Variants in IQSEC3 observed in about 807,000 individuals in gnomAD.
IQSEC3 encodes the protein IQ motif and SEC7 domain-containing protein 3.
In IQSEC3, 50 loss-of-function variants were observed where a neutral mutation model predicts 105.4. The ratio of observed to expected loss-of-function variants is 0.47; its 90% CI spans 0.38 to 0.60. The LOEUF is 0.60. Ranked by LOEUF, IQSEC3 falls within the 20% of genes least tolerant of loss-of-function variation. The pLI, the probability that IQSEC3 is intolerant of heterozygous loss-of-function variation, is 0.00. For missense variants in IQSEC3, 1,415 were observed against 1,630.0 expected (o/e 0.87, Z 2.27); for synonymous variants, 708 against 746.0 (o/e 0.95, Z 0.83).
intron 2 of IQSEC3, among the ~76,000 whole-genome samples, chr12:119,182 G>T (rs538731053): frequency 2.0e-5 from 3 of 152,094 alleles, no homozygotes; most frequent in African/African-American, 4.8e-5. Context: ...GCTCTCTTCC[G>T]TTTGCGTGAG....
rs146062633 is a variant in IQSEC3 at position 99,822 on chromosome 12, T to C, written c.623+608T>C. ...CTGCCCTCTGCCTCCCTGTCCCGCT[T>C]CCTGGAGTTCCGTCTCCGTCCCGTG... On this transcript the variant is annotated intron_variant, in intron 2 of 13. Transcript: ENST00000538872. Among the ~76,000 whole-genome samples the C allele has an allele frequency of 2.3e-3, 354 of 152,268 alleles. 2 individuals carry two copies. The highest frequency in any genetic ancestry group is 8.2e-3 in the African/African-American group (341 of 41,566).
rs1939282004 is a variant in IQSEC3, at chr12:177,781, G to A, written c.*2748G>A. Reference sequence around the variant, plus strand: ...CAGAGCCTAGACCTCAGGGACCTAGGAAAAGCCTCCTGCTCCCTCCCCACG... The same window carrying A: ...CAGAGCCTAGACCTCAGGGACCTAGAAAAAGCCTCCTGCTCCCTCCCCACG... On this transcript the variant is annotated 3_prime_UTR_variant, in exon 14 of 14. Transcript: ENST00000538872. This position sits in a 1 kb window ranked among gnomAD's most constrained non-coding sequence, Gnocchi z 5.3. The A allele has an allele frequency of 6.6e-6, 1 of 152,270 alleles. No homozygotes were observed. The highest frequency in any genetic ancestry group is 1.5e-5 in the Non-Finnish European group (1 of 68,142). The allele number at this position is 152,270 out of a possible 1,614,324, so 9.4% of individuals were successfully genotyped here.
chr12:103,676 AGGGCTCAGGGGTAGGTGG>A (rs1864520807), intron 2 of IQSEC3, among the ~76,000 whole-genome samples: 1 of 10,514 alleles, frequency 9.5e-5, no homozygotes. Flanking sequence ...GTGGGGAGGC[AGGGCTCAGGGGTAGGTGG>A]GGGCTCAGGA....
At position 128,073 on chromosome 12, in the gene IQSEC3, G is replaced by A. The variant is rs531788380; in HGVS notation, c.903+2161G>A. ...CTTGGCCTCAATCTCTGAAGTTTCC[G>A]CTCCCCTCCACACCCCTGCACTTGG... On this transcript the variant is annotated intron_variant, in intron 3 of 13. Transcript: ENST00000538872. Among the ~76,000 whole-genome samples the A allele has an allele frequency of 4.1e-4, 62 of 152,158 alleles. No homozygotes were observed. The South Asian group carries it at 6.0e-3, about 15-fold the overall frequency.
chr12:114,067 G>A (rs982997819), intron 2 of IQSEC3, among the ~76,000 whole-genome samples: 3 of 152,176 alleles, frequency 2.0e-5, no homozygotes, highest in Non-Finnish European at 2.9e-5. Flanking sequence ...AAGGAGCATA[G>A]CACTTAACTT....
At chr12:113,351 A>G (rs1315467622) in intron 2 of IQSEC3, among the ~76,000 whole-genome samples, 3 of 152,242 alleles carry the variant, frequency 2.0e-5, no homozygotes, top group Admixed American at 1.3e-4. Context: ...AGCTGAGGAA[A>G]TACTCGGAGA....
chr12:138,543 A>AC lies in IQSEC3; in HGVS notation c.1183dup (p.Leu395ProfsTer72). On this transcript the variant is annotated frameshift_variant, in exon 4 of 14. Coordinates refer to ENST00000538872, the MANE Select transcript of IQSEC3 (RefSeq NM_001170738.2). LOFTEE classifies it high-confidence loss of function. This position sits in a 1 kb window ranked among gnomAD's most constrained non-coding sequence, Gnocchi z 7.1. The stretch of plus-strand genomic sequence containing the variant: ...CTCCCTGCCGCCCACCTTCGCAGGC[A>AC]CCCTCACCGAGCTGGAGGACTCCTT... 6.3e-7 allele frequency: 1 copy of AC among 1,579,450 alleles called. No individual in the cohort carries two copies. Among genetic ancestry groups the AC allele is most frequent in the Non-Finnish European group, 8.5e-7 (1 of 1,169,986 alleles).
chr12:173,373 C>T (rs573724448), intron 13 of IQSEC3, among the ~76,000 whole-genome samples: 2 of 152,280 alleles, frequency 1.3e-5, no homozygotes, highest in Non-Finnish European at 2.9e-5. Flanking sequence ...CAAAGGCCTG[C>T]GGAGCCTCGG....
intron 1 of IQSEC3, among the ~76,000 whole-genome samples, chr12:83,708 A>C (rs576503756): frequency 1.7e-5 from 1 of 58,852 alleles, no homozygotes; most frequent in Non-Finnish European, 3.7e-5. Context: ...CGGGCGGGGG[A>C]GGAGGTGGGT....
intron 8 of IQSEC3, among the ~76,000 whole-genome samples, chr12:162,461 A>G (rs149872266): frequency 0.015 from 2,356 of 152,232 alleles, 24 homozygotes; most frequent in Middle Eastern, 0.024. Flanking sequence ...GCATCACCAT[A>G]GATTTGTCCT....
intron 1 of IQSEC3, among the ~76,000 whole-genome samples, chr12:87,587 C>G (rs1245201136): frequency 1.3e-5 from 2 of 152,178 alleles, no homozygotes; most frequent in Non-Finnish European, 2.9e-5. Context: ...AAGCAGACAA[C>G]TCTTTTTGGA....
At chr12:78,046 G>C (rs1416506773) in intron 1 of IQSEC3, among the ~76,000 whole-genome samples, 1 of 151,118 alleles carries the variant, frequency 6.6e-6, no homozygotes, top group Admixed American at 6.6e-5. Context: ...CAGCCTCCGC[G>C]CGCCCCCGCC....
intron 2 of IQSEC3, among the ~76,000 whole-genome samples, chr12:116,117 G>A (rs1366012698): frequency 6.6e-6 from 1 of 152,134 alleles, no homozygotes; most frequent in Non-Finnish European, 1.5e-5. Context: ...ACTTACTAGG[G>A]CTTGCCAACC....
intron 5 of IQSEC3, among the ~76,000 whole-genome samples, chr12:155,752 G>T (rs1866662394): frequency 6.6e-6 from 1 of 152,200 alleles, no homozygotes; most frequent in African/African-American, 2.4e-5. Context: ...TGCTCTCGAT[G>T]TGGTGGGCAG....
intron 2 of IQSEC3, among the ~76,000 whole-genome samples, chr12:104,779 G>T (rs1864587524): frequency 6.6e-6 from 1 of 152,262 alleles, no homozygotes; most frequent in Non-Finnish European, 1.5e-5. Flanking sequence ...CGGCTGCGGG[G>T]ATAGCCCTGC....
chr12:169,132 C>A, intron 12 of IQSEC3, 27 bp downstream of exon 12: 5 of 1,602,778 alleles, frequency 3.1e-6, no homozygotes, highest in Non-Finnish European at 4.3e-6. Flanking sequence ...CTCAGGGCAC[C>A]AGTCCCCATG....
chr12:121,838 G>A (rs957832815), intron 2 of IQSEC3, among the ~76,000 whole-genome samples: 12 of 152,126 alleles, frequency 7.9e-5, no homozygotes, highest in Admixed American at 5.2e-4. Context: ...TGTTCCGGGC[G>A]CTGTCCTAGG....
Position 176,532 on chromosome 12 carries a change from C to T in IQSEC3, c.*1499C>T, listed in dbSNP as rs979297301. On this transcript the variant is annotated 3_prime_UTR_variant, in exon 14 of 14. Coordinates refer to ENST00000538872, the MANE Select transcript of IQSEC3 (RefSeq NM_001170738.2). This position sits in a 1 kb window ranked among gnomAD's most constrained non-coding sequence, Gnocchi z 4.0. ...AAAGGTGACATGGACTTGAATCTCC[C>T]CACCCCGCCCCGCCTGCAGTAGCCG... 1 of 152,192 alleles carries T rather than the reference C, an allele frequency of 6.6e-6. No homozygotes were observed. Among genetic ancestry groups the T allele is most frequent in the Non-Finnish European group, 1.5e-5 (1 of 68,042 alleles). The allele number at this position is 152,192 out of a possible 1,614,324, so 9.4% of individuals were successfully genotyped here.
chr12:111,254 C>A (rs782284883), intron 2 of IQSEC3, among the ~76,000 whole-genome samples: 3 of 152,118 alleles, frequency 2.0e-5, no homozygotes, highest in Non-Finnish European at 2.9e-5. Flanking sequence ...CTTGGCACAC[C>A]CAATCCTCAT....
Sources: allele counts gnomAD v4.1 joint callset (sites outside exome capture counted in the v4.1 genomes callset), GRCh38; gene constraint gnomAD v4.1.1; non-coding constraint Gnocchi (gnomAD v3.1); transcripts MANE v1.5; gene names NCBI Gene and HGNC (gene_info 2026-07-23, HGNC 2026-07-21).